TACC1: variants seen among roughly 807,000 people sequenced by gnomAD.
TACC1 encodes the protein transforming acidic coiled-coil containing protein 1.
In TACC1, 48 loss-of-function variants were observed where a neutral mutation model predicts 84.4. The ratio of observed to expected loss-of-function variants is 0.57; its 90% CI spans 0.45 to 0.72. TACC1 has a LOEUF of 0.72. TACC1 is among the 30% of genes least tolerant of loss of function. TACC1 has a pLI of 0.00. For missense variants in TACC1, 920 were observed against 973.0 expected (o/e 0.95, Z 0.72); for synonymous variants, 372 against 376.3 (o/e 0.99, Z 0.13).
intron 2 of TACC1, among the ~76,000 whole-genome samples, chr8:38,810,720 G>A (rs546137768): frequency 4.1e-4 from 62 of 152,266 alleles, no homozygotes; most frequent in Middle Eastern, 3.4e-3. Flanking sequence ...TGTGAATTAC[G>A]ATGATCACAT....
Position 38,819,818 on chromosome 8 carries a change from C to A in TACC1, c.574C>A (p.Gln192Lys). 1 of 1,613,942 alleles carries A rather than the reference C, an allele frequency of 6.2e-7. No homozygotes were observed. The highest frequency in any genetic ancestry group is 8.5e-7 in the Non-Finnish European group (1 of 1,180,036). The change falls in exon 3 of 13, where the codon CAG (glutamine) becomes AAG (lysine). Residue 192 changes from glutamine (Q) to lysine (K), a missense_variant. This residue lies in a region of TACC1 where 762 missense variants were observed against 747.3 expected (regional missense o/e 1.02). Coordinates refer to ENST00000317827, the MANE Select transcript of TACC1 (RefSeq NM_006283.3). ...GCCTTCCAGCCCGCCAGACGCCCTCCAGGACGAGGCGATGACAGAAGGCAG... is the reference window on the plus strand; with the variant it reads ...GCCTTCCAGCCCGCCAGACGCCCTCAAGGACGAGGCGATGACAGAAGGCAG... Reference protein sequence around the residue: ...ALPSSPPDALQDEAMTEGSMG... With the variant: ...ALPSSPPDALKDEAMTEGSMG...
Position 38,848,993 on chromosome 8 carries a change from CTATTT to C in TACC1, c.*973_*977del, listed in dbSNP as rs1445106859. The C allele has an allele frequency of 6.7e-6, 1 of 148,352 alleles. No individual in the cohort carries two copies. Among genetic ancestry groups the C allele is most frequent in the African/African-American group, 2.5e-5 (1 of 40,340 alleles). 9.2% of individuals were successfully genotyped at this position (148,352 alleles called of 1,614,324 possible). On this transcript the variant is annotated 3_prime_UTR_variant, in exon 13 of 13. Coordinates refer to ENST00000317827, the MANE Select transcript of TACC1 (RefSeq NM_006283.3). The stretch of plus-strand genomic sequence containing the variant: ...TTTTTTTTTGAGACAGAGTTTCGAT[CTATTT>C]TAAGTATGTGAAGAAAATCTACTTG...
intron 3 of TACC1, among the ~76,000 whole-genome samples, chr8:38,773,348 T>C (rs1160196541): frequency 2.0e-5 from 3 of 150,556 alleles, no homozygotes; most frequent in East Asian, 1.9e-4. Context: ...TTATTTTAAA[T>C]ATTGACATAA....
chr8:38,791,439 G>C (rs765016910), intron 2 of TACC1, among the ~76,000 whole-genome samples: 2 of 152,156 alleles, frequency 1.3e-5, no homozygotes, highest in Non-Finnish European at 2.9e-5. Flanking sequence ...CATCAACCTG[G>C]TCGTACCCTG....
intron 3 of TACC1, among the ~76,000 whole-genome samples, chr8:38,747,872 C>T (rs1055108654): frequency 9.9e-5 from 15 of 152,242 alleles, no homozygotes; most frequent in Admixed American, 5.9e-4. Flanking sequence ...AATAATGATA[C>T]ATCAGTGTAG....
At position 38,820,328 on chromosome 8, in the gene TACC1, G is replaced by T; in HGVS notation, c.1084G>T (p.Ala362Ser). Residue 362 changes from alanine to serine, a missense_variant, in exon 3 of 13, where the codon GCA (alanine) becomes TCA (serine). By Grantham distance (99) the Ala-to-Ser change is moderately conservative (BLOSUM62 1). Around this residue, in one of 2 missense-constraint regions of TACC1, gnomAD observed 762 missense variants for 747.3 expected, o/e 1.02. Coordinates refer to ENST00000317827, the MANE Select transcript of TACC1 (RefSeq NM_006283.3). ...KIQKDGISKS[A>S]GLEQPTDPVA... ...ACAAAAAGATGGCATCAGTAAGTCAGCAGGTTTAGAACAGCCTACAGACCC... is the reference window on the plus strand; with the variant it reads ...ACAAAAAGATGGCATCAGTAAGTCATCAGGTTTAGAACAGCCTACAGACCC... 1 of 1,614,174 alleles carries T rather than the reference G, an allele frequency of 6.2e-7. No homozygotes were observed. The highest frequency in any genetic ancestry group is 8.5e-7 in the Non-Finnish European group (1 of 1,180,042).
intron 2 of TACC1, among the ~76,000 whole-genome samples, chr8:38,807,862 A>G (rs1391680916): frequency 3.3e-5 from 5 of 152,242 alleles, no homozygotes; most frequent in African/African-American, 9.6e-5. Context: ...TTTTAAAAAT[A>G]CAGAGAGGGA....
intron 2 of TACC1, among the ~76,000 whole-genome samples, chr8:38,811,532 T>C (rs930459403): frequency 6.6e-6 from 1 of 152,226 alleles, no homozygotes; most frequent in Non-Finnish European, 1.5e-5. Context: ...ATTAATACTT[T>C]TATAATTTCT....
In TACC1 at chr8:38,827,299, G is replaced by A. The variant is rs1484734183; in HGVS notation, c.1584G>A (p.Glu528=). Residue 528 remains glutamate (E), a synonymous_variant, in exon 5 of 13, where the codon GAG becomes GAA. Transcript: ENST00000317827. The stretch of plus-strand genomic sequence containing the variant: ...GTGCCGAGGTGAAAGGTGAGCCAGA[G>A]GAAGACCTGGAGTACTTTGAATGTT... ...SAGAEVKGEP[E]EDLEYFECSN... is the part of the protein sequence containing the mutation. The A allele has an allele frequency of 6.8e-6, 11 of 1,614,188 alleles. No homozygotes were observed. The highest frequency in any genetic ancestry group is 9.3e-6 in the Non-Finnish European group (11 of 1,180,036).
At chr8:38,744,737 A>T (rs1177410485) in intron 2 of TACC1, among the ~76,000 whole-genome samples, 2 of 139,606 alleles carry the variant, frequency 1.4e-5, no homozygotes, top group Non-Finnish European at 3.1e-5. Context: ...GTATTCTTTG[A>T]TTTTAAAAGT....
At chr8:38,742,518 G>T in intron 2 of TACC1, 3 of 1,175,702 alleles carry the variant, frequency 2.6e-6, no homozygotes, top group Non-Finnish European at 3.6e-6. Context: ...TTATTTCCTA[G>T]TGAAAAATAA....
In TACC1 at chr8:38,755,131, GC is replaced by G. The variant is rs1809752138; in HGVS notation, c.26+9640del. Among the ~76,000 whole-genome samples the G allele has an allele frequency of 2.2e-5, 3 of 137,024 alleles. No individual in the cohort carries two copies. The South Asian group carries it at 6.9e-4, about 32-fold the overall frequency. The allele number at this position is 137,024 out of a possible 152,430, so 89.9% of individuals were successfully genotyped here. A position where few individuals can be genotyped will look rare whatever the true frequency, so the allele number is the denominator to read the frequency against. ...GACAAGATAGTGCCACTGCACTCCAGCCTGGGCAACAGAGCGAGACTCCATC... is the reference window on the plus strand; with the variant it reads ...GACAAGATAGTGCCACTGCACTCCAGCTGGGCAACAGAGCGAGACTCCATC... On this transcript the variant is annotated intron_variant, in intron 3 of 14. Coordinates refer to the TACC1 transcript ENST00000518415.
At chr8:38,753,278 T>A (rs959021572) in intron 3 of TACC1, among the ~76,000 whole-genome samples, 22 of 152,140 alleles carry the variant, frequency 1.4e-4, no homozygotes, top group Admixed American at 1.4e-3. Context: ...TTATTTTTTA[T>A]TTTTTGTAGA....
chr8:38,787,175 GGCGGCTTCTGGGGC>G (rs1481697521), upstream of TACC1: 1 of 985,384 alleles, frequency 1.0e-6, no homozygotes, highest in Non-Finnish European at 1.2e-6. Context: ...GGTCCGAGGG[GGCGGCTTCTGGGGC>G]GCGGCTCCGG....
intron 2 of TACC1, among the ~76,000 whole-genome samples, chr8:38,817,915 C>CT (rs1343026152): frequency 2.9e-4 from 25 of 85,554 alleles, no homozygotes; most frequent in African/African-American, 1.2e-3. Flanking sequence ...GAGTGAGAGA[C>CT]CCCTAAAAAA....
chr8:38,764,667 G>C (rs1468644516), intron 3 of TACC1, among the ~76,000 whole-genome samples: 2 of 152,272 alleles, frequency 1.3e-5, no homozygotes, highest in East Asian at 3.9e-4. Flanking sequence ...CCACGTGCTA[G>C]GAAAATGCTA....
At chr8:38,846,518 G>T in intron 11 of TACC1, 181 bp from the exon 12 acceptor site, 5 of 591,002 alleles carry the variant, frequency 8.5e-6, no homozygotes, top group South Asian at 3.2e-5. Flanking sequence ...TCTGTAAATT[G>T]AATTTTTATA....
At chr8:38,809,206 CT>C (rs991991590) in intron 2 of TACC1, among the ~76,000 whole-genome samples, 7 of 152,074 alleles carry the variant, frequency 4.6e-5, no homozygotes, top group African/African-American at 1.4e-4. Flanking sequence ...GCATAAATCT[CT>C]TGATTCCCAG....
intron 3 of TACC1, among the ~76,000 whole-genome samples, chr8:38,773,194 C>A (rs977679936): frequency 6.6e-6 from 1 of 151,608 alleles, no homozygotes; most frequent in South Asian, 2.1e-4. Flanking sequence ...GGCGTGGTGG[C>A]GGGCACCCGT....
Sources: allele counts gnomAD v4.1 joint callset (sites outside exome capture counted in the v4.1 genomes callset), GRCh38; gene constraint gnomAD v4.1.1; regional missense constraint gnomAD v4.1.1; transcripts MANE v1.5; gene names NCBI Gene and HGNC (gene_info 2026-07-23, HGNC 2026-07-21).